The following ADAMTSL1 variants were observed in gnomAD, a reference collection of about 807,000 sequenced individuals.
ADAMTSL1 encodes ADAMTS like 1, also known as ADAMTS-like protein 1.
A neutral mutation model predicts 201.8 loss-of-function variants in ADAMTSL1; 126 were observed. That is an observed-to-expected ratio of 0.62 (90% CI 0.54 to 0.72). The LOEUF (loss-of-function observed/expected upper bound fraction) is 0.72. ADAMTSL1 is among the 30% of genes least tolerant of loss of function. The probability of loss-of-function intolerance (pLI) is 0.00; values close to 1 mark genes in which losing one functional copy is unlikely to be tolerated. For synonymous variants in ADAMTSL1, 1,121 were observed against 903.4 expected, an observed-to-expected ratio of 1.24 and a Z score of -4.32; for missense variants, 2,679 against 2,277.8, an observed-to-expected ratio of 1.18 and a Z score of -3.59.
chr9:18,316,911 A>G (rs1230416867), intron 2 of ADAMTSL1, among the ~76,000 whole-genome samples: 1 of 150,596 alleles, frequency 6.6e-6, no homozygotes, highest in East Asian at 2.0e-4. Context: ...CAGTATCTCA[A>G]AGGGATATCT....
intron 1 of ADAMTSL1, among the ~76,000 whole-genome samples, chr9:18,018,644 C>A (rs1820356336): frequency 6.6e-6 from 1 of 151,960 alleles, no homozygotes; most frequent in Non-Finnish European, 1.5e-5. Context: ...ATATGCAAAC[C>A]CCATCAATTA....
chr9:18,608,632 C>G (rs1202961498), intron 4 of ADAMTSL1, among the ~76,000 whole-genome samples: 2 of 152,110 alleles, frequency 1.3e-5, no homozygotes, highest in Non-Finnish European at 2.9e-5. Flanking sequence ...CCTGAACCCA[C>G]AAGGCTAGAG....
chr9:18,385,172 C>T (rs1370018476), intron 2 of ADAMTSL1, among the ~76,000 whole-genome samples: 1 of 152,120 alleles, frequency 6.6e-6, no homozygotes, highest in East Asian at 1.9e-4. Flanking sequence ...CTATTTTTCT[C>T]TTTTACCCAA....
intron 23 of ADAMTSL1, among the ~76,000 whole-genome samples, chr9:18,859,774 CAT>C (rs1827092992): frequency 1.3e-5 from 2 of 152,098 alleles, no homozygotes; most frequent in South Asian, 4.1e-4. Flanking sequence ...AAATTGGAAA[CAT>C]GTAATTATCT....
chr9:18,423,510 T>C (rs866481783), intron 2 of ADAMTSL1, among the ~76,000 whole-genome samples: 47 of 152,332 alleles, frequency 3.1e-4, no homozygotes, highest in African/African-American at 1.1e-3. Flanking sequence ...TAAGTGAATA[T>C]GTATTCAACA....
intron 2 of ADAMTSL1, among the ~76,000 whole-genome samples, chr9:18,249,303 C>G (rs1015415821): frequency 3.3e-5 from 5 of 152,164 alleles, no homozygotes. Context: ...AAATTAACAG[C>G]ATATAAATGC....
intron 19 of ADAMTSL1, among the ~76,000 whole-genome samples, chr9:18,789,878 T>C (rs1365414214): frequency 6.6e-6 from 1 of 152,204 alleles, no homozygotes; most frequent in Non-Finnish European, 1.5e-5. Flanking sequence ...AGGAAGCTAC[T>C]GTTCTACAAA....
At chr9:18,300,019 T>C (rs978597386) in intron 2 of ADAMTSL1, among the ~76,000 whole-genome samples, 1 of 152,194 alleles carries the variant, frequency 6.6e-6, no homozygotes, top group East Asian at 1.9e-4. Context: ...GGTGGGAGTG[T>C]AAATTAGTTC....
chr9:18,255,905 T>G (rs1831664659), intron 2 of ADAMTSL1, among the ~76,000 whole-genome samples: 1 of 152,220 alleles, frequency 6.6e-6, no homozygotes, highest in African/African-American at 2.4e-5. Flanking sequence ...GATTATAATC[T>G]GTTTCTAAAT....
At chr9:18,296,615 A>C (rs1833486866) in intron 2 of ADAMTSL1, among the ~76,000 whole-genome samples, 1 of 152,192 alleles carries the variant, frequency 6.6e-6, no homozygotes, top group Admixed American at 6.5e-5. Flanking sequence ...TGAAGTTTTC[A>C]AAATAAAAAG....
rs929758014 is a variant in ADAMTSL1, at chr9:18,721,717, C to T, written c.2006+52C>T. The T allele has an allele frequency of 1.9e-5, 30 of 1,580,530 alleles. No individual in the cohort carries two copies. The South Asian group carries it at 2.9e-4, about 15-fold the overall frequency. On this transcript the variant is annotated intron_variant, in intron 15 of 28. Transcript: ENST00000380548. ...GTCCAGGGGCACGTACAGAACTGGG[C>T]GCATCTTTCAGTGGGCAAGACTGTA...
At chr9:18,415,371 T>C (rs558055030) in intron 2 of ADAMTSL1, among the ~76,000 whole-genome samples, 1 of 152,034 alleles carries the variant, frequency 6.6e-6, no homozygotes, top group Non-Finnish European at 1.5e-5. Context: ...AAACAACAAA[T>C]CAAACTTCTA....
At chr9:18,756,118 T>TATATATATATATATAC (rs1819745985) in intron 16 of ADAMTSL1, among the ~76,000 whole-genome samples, 2 of 74,816 alleles carry the variant, frequency 2.7e-5, no homozygotes, top group African/African-American at 8.8e-5. Flanking sequence ...TATATATATA[T>TATATATATATATATAC]ATATACAAAA....
chr9:18,105,778 T>C (rs761127178), intron 1 of ADAMTSL1, among the ~76,000 whole-genome samples: 1 of 152,232 alleles, frequency 6.6e-6, no homozygotes, highest in Non-Finnish European at 1.5e-5. Context: ...TTACATCTTA[T>C]ATTGCATAGT....
At chr9:18,000,942 G>A (rs1586877534) in intron 1 of ADAMTSL1, among the ~76,000 whole-genome samples, 1 of 152,016 alleles carries the variant, frequency 6.6e-6, no homozygotes, top group South Asian at 2.1e-4. Context: ...TGATTGGCTT[G>A]GGGCACTATC....
intron 2 of ADAMTSL1, among the ~76,000 whole-genome samples, chr9:18,268,566 T>C (rs1232246251): frequency 2.0e-5 from 3 of 152,142 alleles, no homozygotes; most frequent in African/African-American, 7.2e-5. Context: ...AATGCCTCCA[T>C]TCATTTCTCT....
chr9:18,523,573 A>C (rs1478712004), intron 2 of ADAMTSL1, among the ~76,000 whole-genome samples: 1 of 151,958 alleles, frequency 6.6e-6, no homozygotes, highest in African/African-American at 2.4e-5. Flanking sequence ...TTATGGTTTT[A>C]GGTCTAACGT....
chr9:18,568,105 C>T (rs183995031), intron 3 of ADAMTSL1, among the ~76,000 whole-genome samples: 2 of 152,186 alleles, frequency 1.3e-5, no homozygotes, highest in African/African-American at 2.4e-5. Context: ...AACTAAAACC[C>T]CAGAAAGCAA....
At chr9:18,343,519 T>G (rs1177126260) in intron 2 of ADAMTSL1, among the ~76,000 whole-genome samples, 1 of 152,188 alleles carries the variant, frequency 6.6e-6, no homozygotes, top group Non-Finnish European at 1.5e-5. Flanking sequence ...TAATCCTGAT[T>G]GATTACTCCT....
Sources: gnomAD v4.1 joint callset for allele counts (sites outside exome capture counted in the v4.1 genomes callset) on GRCh38, gnomAD v4.1.1 for gene constraint, MANE v1.5 for transcripts, NCBI Gene and HGNC (gene_info 2026-07-23, HGNC 2026-07-21) for gene names.